The following AGMO variants were observed in gnomAD, a reference collection of about 807,000 sequenced individuals.
AGMO encodes alkylglycerol monooxygenase, also known as glyceryl-ether monooxygenase.
A neutral mutation model predicts 60.2 loss-of-function variants in AGMO; 75 were observed. That is an observed-to-expected ratio of 1.25 (90% CI 1.03 to 1.51). The LOEUF (loss-of-function observed/expected upper bound fraction) is 1.51, where lower values mean the gene tolerates loss of function less well. Ranked by LOEUF, AGMO falls within the 40% of genes most tolerant of loss-of-function variation. AGMO has a pLI of 0.00. For missense variants in AGMO, 763 were observed against 525.5 expected, an observed-to-expected ratio of 1.45 and a Z score of -4.42; for synonymous variants, 261 against 177.1, an observed-to-expected ratio of 1.47 and a Z score of -3.76.
chr7:15,255,240 A>T (rs1783061196), intron 12 of AGMO, among the ~76,000 whole-genome samples: 1 of 152,118 alleles, frequency 6.6e-6, no homozygotes, highest in Non-Finnish European at 1.5e-5. Flanking sequence ...AAGGGATAAC[A>T]TTAGGAGAAA....
At chr7:15,310,226 G>A (rs1234771888) in intron 12 of AGMO, among the ~76,000 whole-genome samples, 2 of 152,204 alleles carry the variant, frequency 1.3e-5, no homozygotes, top group Non-Finnish European at 1.5e-5. Flanking sequence ...ATGCAAAAGT[G>A]CTCAAAAAAA....
intron 12 of AGMO, among the ~76,000 whole-genome samples, chr7:15,228,614 GGA>G (rs1468315612): frequency 6.6e-6 from 1 of 152,068 alleles, no homozygotes; most frequent in Non-Finnish European, 1.5e-5. Context: ...TAAGAGAAAA[GGA>G]GGAAGGAAAC....
intron 5 of AGMO, among the ~76,000 whole-genome samples, chr7:15,416,884 T>A (rs570996238): frequency 1.9e-3 from 286 of 152,222 alleles, no homozygotes; most frequent in African/African-American, 6.6e-3. Flanking sequence ...AAAATAATTT[T>A]AAAAAAATAC....
chr7:15,381,955 A>T (rs1783710468), intron 10 of AGMO, among the ~76,000 whole-genome samples: 1 of 152,098 alleles, frequency 6.6e-6, no homozygotes, highest in South Asian at 2.1e-4. Flanking sequence ...CTCACTTGTA[A>T]GTGGGAGCGC....
intron 3 of AGMO, among the ~76,000 whole-genome samples, chr7:15,473,765 A>G: frequency 6.6e-6 from 1 of 151,802 alleles, no homozygotes; most frequent in East Asian, 1.9e-4. Flanking sequence ...AGAGACGTCA[A>G]ATTGTCTGTT....
At chr7:15,529,828 T>G (rs1318165542) in intron 3 of AGMO, among the ~76,000 whole-genome samples, 499 of 8,438 alleles carry the variant, frequency 0.059, 180 homozygotes, top group African/African-American at 0.15. Flanking sequence ...TATTTCCATA[T>G]ATATTCTATA....
At chr7:15,381,062 A>C (rs898804309) in intron 10 of AGMO, among the ~76,000 whole-genome samples, 4 of 152,156 alleles carry the variant, frequency 2.6e-5, no homozygotes, top group Non-Finnish European at 5.9e-5. Context: ...GTGAAACCTA[A>C]AACTATAAAA....
At chr7:15,150,835 G>A in the AGMO span, among the ~76,000 whole-genome samples, 1 of 152,012 alleles carries the variant, frequency 6.6e-6, no homozygotes, top group Admixed American at 6.6e-5. Flanking sequence ...TGATTCATAG[G>A]ATGAATTAGG....
chr7:15,247,459 C>CACACACAGAGAGAGAGAGAG (rs139642069), intron 12 of AGMO, among the ~76,000 whole-genome samples: 1 of 115,264 alleles, frequency 8.7e-6, no homozygotes, highest in African/African-American at 3.5e-5. Context: ...CACACACACA[C>CACACACAGAGAGAGAGAGAG]AGAGAGAGAG....
intron 3 of AGMO, among the ~76,000 whole-genome samples, chr7:15,450,466 T>C (rs534302115): frequency 6.6e-6 from 1 of 152,092 alleles, no homozygotes; most frequent in East Asian, 1.9e-4. Context: ...TAATTAAATT[T>C]ACTGAAAATA....
At chr7:15,471,142 T>C (rs1782441680) in intron 3 of AGMO, among the ~76,000 whole-genome samples, 1 of 151,968 alleles carries the variant, frequency 6.6e-6, no homozygotes, top group African/African-American at 2.4e-5. Context: ...TTGTGCCCAA[T>C]TGTCATCATT....
At chr7:15,357,027 G>A (rs906053604) in intron 12 of AGMO, among the ~76,000 whole-genome samples, 1 of 151,510 alleles carries the variant, frequency 6.6e-6, no homozygotes, top group African/African-American at 2.4e-5. Flanking sequence ...AGGAGGCTGA[G>A]GCAGGAGAAT....
At chr7:15,369,064 T>A (rs1273634158) in intron 10 of AGMO, among the ~76,000 whole-genome samples, 1 of 152,156 alleles carries the variant, frequency 6.6e-6, no homozygotes, top group Non-Finnish European at 1.5e-5. Flanking sequence ...AACCTGTGGC[T>A]GGTCCTTAAC....
chr7:15,319,828 A>G (rs1352404430), intron 12 of AGMO, among the ~76,000 whole-genome samples: 1 of 152,162 alleles, frequency 6.6e-6, no homozygotes, highest in African/African-American at 2.4e-5. Context: ...AAGGAGATAT[A>G]TGCCAAGCTT....
At chr7:15,119,265 A>G in the AGMO span, among the ~76,000 whole-genome samples, 4 of 151,934 alleles carry the variant, frequency 2.6e-5, no homozygotes, top group African/African-American at 9.7e-5. Context: ...GCCATCTGCC[A>G]TGATTGAAAG....
At chr7:15,398,886 C>G (rs1238359703) in intron 5 of AGMO, among the ~76,000 whole-genome samples, 1 of 152,150 alleles carries the variant, frequency 6.6e-6, no homozygotes, top group East Asian at 1.9e-4. Flanking sequence ...GCCATAAAGC[C>G]TTTCCGATTT....
At chr7:15,202,485 A>C (rs1439576928) in intron 12 of AGMO, among the ~76,000 whole-genome samples, 1 of 137,424 alleles carries the variant, frequency 7.3e-6, no homozygotes, top group Non-Finnish European at 1.6e-5. Context: ...AAAAAAAAAA[A>C]AAAACCCTCC....
At chr7:15,342,644 T>C (rs893550526) in intron 12 of AGMO, among the ~76,000 whole-genome samples, 4 of 151,896 alleles carry the variant, frequency 2.6e-5, no homozygotes, top group African/African-American at 9.7e-5. Flanking sequence ...CTTTCTCTCC[T>C]GATTTTGCGC....
At chr7:15,390,786 C>T (rs1273477727) in intron 7 of AGMO, 36 bp from the exon 8 acceptor site, 2 of 1,587,920 alleles carry the variant, frequency 1.3e-6, no homozygotes, top group East Asian at 4.5e-5. Flanking sequence ...GATTTGGCTT[C>T]CTGTAAAGTA....
Sources: gnomAD v4.1 joint callset for allele counts (sites outside exome capture counted in the v4.1 genomes callset) on GRCh38, gnomAD v4.1.1 for gene constraint, MANE v1.5 for transcripts, NCBI Gene and HGNC (gene_info 2026-07-23, HGNC 2026-07-21) for gene names.